SPINK13: variants seen among roughly 807,000 people sequenced by gnomAD.
SPINK13 encodes the protein serine protease inhibitor Kazal-type 13.
Under a neutral mutation model 11.0 loss-of-function variants are expected in SPINK13, and 11 were observed. That is an observed-to-expected ratio of 1.00 (90% CI 0.63 to 1.65). The LOEUF is 1.65. SPINK13 is among the 40% of genes most tolerant of loss of function. SPINK13 has a pLI of 0.00. For synonymous variants in SPINK13, 31 were observed against 35.6 expected (o/e 0.87, Z 0.46); for missense variants, 113 against 117.7 (o/e 0.96, Z 0.19).
chr5:148,273,517 T>A (rs1338155863), intron 2 of SPINK13, among the ~76,000 whole-genome samples: 1 of 152,180 alleles, frequency 6.6e-6, no homozygotes, highest in Non-Finnish European at 1.5e-5. Context: ...TATAACTATA[T>A]CCAGCTACTT....
In SPINK13 at chr5:148,270,064, T is replaced by A; in HGVS notation, c.-9T>A. ...GGCCTTATCAAAGAAGAGTCTTATA[T>A]GAGATCAAATGGCTGCCTTTCCCCA... On this transcript the variant is annotated 5_prime_UTR_variant, in exon 2 of 5. The change abolishes an upstream ATG in the 5' untranslated region. Coordinates refer to ENST00000398450, the MANE Select transcript of SPINK13 (RefSeq NM_001040129.3). The A allele has an allele frequency of 6.2e-7, 1 of 1,601,430 alleles. No homozygotes were observed. The highest frequency in any genetic ancestry group is 8.6e-7 in the Non-Finnish European group (1 of 1,168,794).
In SPINK13 at chr5:148,274,175, ATAAAG is replaced by A. The variant is rs534783281; in HGVS notation, c.71-168_71-164del. ...CAATACTGTGAAAAAGAAAAAGTGG[ATAAAG>A]TAATTTAAAAAGGAATGTTACTGCA... is the stretch of plus-strand genomic sequence containing the variant. On this transcript the variant is annotated intron_variant, in intron 2 of 4. Transcript: ENST00000398450. Among the ~76,000 whole-genome samples the A allele has an allele frequency of 1.7e-3, 259 of 152,372 alleles. 1 individual carries two copies. The highest frequency in any genetic ancestry group is 5.9e-3 in the African/African-American group (246 of 41,594).
chr5:148,274,299 A>T, intron 2 of SPINK13, 48 bp from the exon 3 acceptor site: 1 of 1,416,806 alleles, frequency 7.1e-7, no homozygotes, highest in Non-Finnish European at 1.0e-6. Context: ...GTTATATCCC[A>T]TGGAGAACTA....
At position 148,282,184 on chromosome 5, in the gene SPINK13, A is replaced by C. The variant is rs772903168; in HGVS notation, c.189A>C (p.Ser63=). 7.4e-6 allele frequency: 12 copies of C among 1,614,102 alleles called. No homozygotes were observed. The highest frequency in any genetic ancestry group is 8.5e-6 in the Non-Finnish European group (10 of 1,180,042). The stretch of plus-strand genomic sequence containing the variant: ...ATGTGACAGCACCTGTTTGTGCCTC[A>C]AATGGCCACACTTTCCAGAATGAGT... ...CPNVTAPVCA[S]NGHTFQNECF... The change falls in exon 4 of 5, where the codon TCA becomes TCC. Residue 63 remains serine (S), a synonymous_variant. Transcript: ENST00000398450.
chr5:148,275,824 C>T (rs1036356739), intron 3 of SPINK13, among the ~76,000 whole-genome samples: 1 of 152,008 alleles, frequency 6.6e-6, no homozygotes, highest in Non-Finnish European at 1.5e-5. Context: ...CCAAGCCTGG[C>T]TAATTTTTTG....
intron 1 of SPINK13, 104 bp from the exon 2 acceptor site, chr5:148,269,936 A>C: frequency 1.4e-6 from 1 of 697,766 alleles, no homozygotes; most frequent in East Asian, 2.8e-5. Flanking sequence ...ATAAATCACC[A>C]GGGCAAGTGT....
At position 148,286,025 on chromosome 5, in the gene SPINK13, G is replaced by T; in HGVS notation, c.262G>T (p.Glu88Ter). The T allele has an allele frequency of 2.1e-6, 3 of 1,461,600 alleles. No homozygotes were observed. Among genetic ancestry groups the T allele is most frequent in the South Asian group, 1.3e-5 (1 of 79,810 alleles). The allele number at this position is 1,461,600 out of a possible 1,614,324, so 90.5% of individuals were successfully genotyped here. Residue 88 changes from glutamate to a stop codon, truncating the protein, a stop_gained, in exon 5 of 5, where the codon GAA becomes TAA. Transcript: ENST00000398450. LOFTEE classifies it high-confidence loss of function. The stretch of plus-strand genomic sequence containing the variant: ...GGAATTTCATTATCGTATAAAATTT[G>T]AAAAATATGGAAAATGTGATTAATG... ...QREFHYRIKF[E>*]KYGKCD
intron 3 of SPINK13, among the ~76,000 whole-genome samples, chr5:148,278,211 A>G (rs907372518): frequency 1.9e-4 from 29 of 152,058 alleles, no homozygotes; most frequent in African/African-American, 7.0e-4. Flanking sequence ...TAATCTTTTC[A>G]AAAAACCAGC....
chr5:148,271,760 C>G (rs111541526), intron 2 of SPINK13, among the ~76,000 whole-genome samples: 4 of 151,866 alleles, frequency 2.6e-5, no homozygotes, highest in Admixed American at 6.6e-5. Flanking sequence ...GAGTAGCTGG[C>G]ACTACAGGCG....
chr5:148,276,242 G>A (rs773062491), intron 3 of SPINK13, among the ~76,000 whole-genome samples: 3 of 152,082 alleles, frequency 2.0e-5, no homozygotes, highest in Non-Finnish European at 4.4e-5. Context: ...CATTCTGTAG[G>A]TTGCCTGTTC....
chr5:148,274,867 T>C (rs1756402131), intron 3 of SPINK13, among the ~76,000 whole-genome samples: 2 of 152,266 alleles, frequency 1.3e-5, no homozygotes, highest in South Asian at 4.1e-4. Context: ...AATATAATAT[T>C]TTAGTAAAAT....
intron 3 of SPINK13, among the ~76,000 whole-genome samples, chr5:148,275,590 C>T (rs1756413169): frequency 6.6e-6 from 1 of 152,140 alleles, no homozygotes; most frequent in African/African-American, 2.4e-5. Context: ...AACTAATTTA[C>T]ACTCCCACCA....
intron 3 of SPINK13, among the ~76,000 whole-genome samples, chr5:148,275,135 G>A (rs1006299598): frequency 1.3e-5 from 2 of 151,900 alleles, no homozygotes; most frequent in Non-Finnish European, 2.9e-5. Flanking sequence ...TCCTCCCCTT[G>A]TCCCCGCTCC....
intron 3 of SPINK13, among the ~76,000 whole-genome samples, chr5:148,279,483 A>G (rs1756481394): frequency 1.3e-5 from 2 of 152,224 alleles, no homozygotes; most frequent in East Asian, 1.9e-4. Flanking sequence ...GGTGGTGACA[A>G]AAATCCCTCA....
At chr5:148,283,826 T>G (rs1391501835) in intron 4 of SPINK13, among the ~76,000 whole-genome samples, 2 of 152,214 alleles carry the variant, frequency 1.3e-5, no homozygotes, top group Non-Finnish European at 2.9e-5. Context: ...GTACACACAC[T>G]ACTAAAAAGA....
At position 148,274,171 on chromosome 5, in the gene SPINK13, G is replaced by A. The variant is rs185461622; in HGVS notation, c.71-176G>A. On this transcript the variant is annotated intron_variant, in intron 2 of 4. Transcript: ENST00000398450. ...AAATCAATACTGTGAAAAAGAAAAA[G>A]TGGATAAAGTAATTTAAAAAGGAAT... 2.2e-3 allele frequency among the ~76,000 whole-genome samples: 333 copies of A among 152,222 alleles called. 1 individual carries two copies. The highest frequency in any genetic ancestry group is 3.8e-3 in the Non-Finnish European group (256 of 67,990).
chr5:148,285,721 A>G (rs1756579586), intron 4 of SPINK13, among the ~76,000 whole-genome samples: 2 of 152,108 alleles, frequency 1.3e-5, no homozygotes, highest in Admixed American at 1.3e-4. Flanking sequence ...TGGTATTTCT[A>G]TGTTGAATGG....
intron 4 of SPINK13, among the ~76,000 whole-genome samples, chr5:148,282,991 C>T (rs911468270): frequency 6.6e-6 from 1 of 152,110 alleles, no homozygotes; most frequent in African/African-American, 2.4e-5. Flanking sequence ...TTCATGGTAA[C>T]AGTTTATTAT....
chr5:148,269,733 G>A (rs1756318305), intron 1 of SPINK13, among the ~76,000 whole-genome samples: 1 of 152,258 alleles, frequency 6.6e-6, no homozygotes, highest in African/African-American at 2.4e-5. Flanking sequence ...TAATTGTAGG[G>A]TGAACCTATG....
Sources: allele counts gnomAD v4.1 joint callset (sites outside exome capture counted in the v4.1 genomes callset), GRCh38; gene constraint gnomAD v4.1.1; transcripts MANE v1.5; gene names NCBI Gene and HGNC (gene_info 2026-07-23, HGNC 2026-07-21).